Variants in DLGAP2 observed in about 807,000 individuals in gnomAD.
DLGAP2 encodes disks large-associated protein 2.
A neutral mutation model predicts 100.3 loss-of-function variants in DLGAP2; 26 were observed. The observed-to-expected ratio is 0.26, with a 90% CI of 0.19 to 0.36. DLGAP2 has a LOEUF of 0.36. DLGAP2 is among the 10% of genes least tolerant of loss of function. DLGAP2 has a pLI of 1.00. For synonymous variants in DLGAP2, 886 were observed against 630.1 expected (o/e 1.41, Z -6.08); for missense variants, 1,858 against 1,453.2 (o/e 1.28, Z -4.53).
chr8:1,509,808 T>G (rs140349011), intron 4 of DLGAP2, among the ~76,000 whole-genome samples: 55 of 152,326 alleles, frequency 3.6e-4, no homozygotes, highest in South Asian at 8.3e-4. Flanking sequence ...AAGTGTTCAA[T>G]GTCAGTTTTT....
At chr8:1,634,268 G>T (rs912807296) in intron 8 of DLGAP2, among the ~76,000 whole-genome samples, 7 of 152,106 alleles carry the variant, frequency 4.6e-5, no homozygotes, top group African/African-American at 1.7e-4. Flanking sequence ...GATCCTCGGT[G>T]TGCTTTTTAT....
At chr8:1,232,460 G>A (rs1408730322) in intron 2 of DLGAP2, among the ~76,000 whole-genome samples, 9 of 152,222 alleles carry the variant, frequency 5.9e-5, no homozygotes, top group Admixed American at 2.6e-4. Flanking sequence ...GGTGCAGGCT[G>A]TGATGAGGGG....
intron 1 of DLGAP2, among the ~76,000 whole-genome samples, chr8:804,834 T>A (rs866631050): frequency 6.6e-6 from 1 of 152,164 alleles, no homozygotes; most frequent in Non-Finnish European, 1.5e-5. Flanking sequence ...GGTGCAATCA[T>A]GGCTCACTGC....
chr8:1,602,259 TC>T (rs1796652168), intron 6 of DLGAP2, among the ~76,000 whole-genome samples: 2 of 152,190 alleles, frequency 1.3e-5, no homozygotes, highest in Non-Finnish European at 2.9e-5. Flanking sequence ...TGTTGTTATT[TC>T]TAATTAATGA....
chr8:1,596,444 C>T (rs1378591156), intron 6 of DLGAP2, among the ~76,000 whole-genome samples: 1 of 152,218 alleles, frequency 6.6e-6, no homozygotes, highest in Non-Finnish European at 1.5e-5. Flanking sequence ...TGAGGAATCA[C>T]CACACGGTCT....
chr8:1,549,179 G>A lies in DLGAP2; in HGVS notation c.726G>A (p.Lys242=). ...ACTCCGTGCAGAAGCTCTTCACCAA[G>A]TCGCACTCGCTGGAGGGCTCCTCCA... ...LVHSVQKLFT[K]SHSLEGSSKS... Residue 242 remains lysine, a synonymous_variant, in exon 5 of 15, where the codon AAG becomes AAA. Transcript: ENST00000637795. 6.3e-7 allele frequency: 1 copy of A among 1,599,242 alleles called. No homozygotes were observed. Among genetic ancestry groups the A allele is most frequent in the Non-Finnish European group, 8.5e-7 (1 of 1,173,910 alleles).
chr8:1,698,238 GTCCA>G (rs936509857), intron 14 of DLGAP2, among the ~76,000 whole-genome samples: 8 of 152,224 alleles, frequency 5.3e-5, no homozygotes, highest in African/African-American at 1.7e-4. Flanking sequence ...AGTGCACAGG[GTCCA>G]CGTAAGCCAT....
rs867788277 is a variant in DLGAP2 at position 1,017,581 on chromosome 8, A to G, written c.73+109615A>G. ...ACTGTGTGTGTGACCAGGACAGACGACGCCTCCACTGTGTGTGACCAGGAC... is the reference window on the plus strand; with the variant it reads ...ACTGTGTGTGTGACCAGGACAGACGGCGCCTCCACTGTGTGTGACCAGGAC... On this transcript the variant is annotated intron_variant, in intron 2 of 14. Coordinates refer to ENST00000637795, the MANE Select transcript of DLGAP2 (RefSeq NM_001346810.2). Among the ~76,000 whole-genome samples, 559 of 99,144 alleles carry G rather than the reference A, an allele frequency of 5.6e-3. 8 individuals carry two copies. The highest frequency in any genetic ancestry group is 0.014 in the African/African-American group (357 of 25,354). 65.0% of individuals were successfully genotyped at this position (99,144 alleles called of 152,430 possible). A position where few individuals can be genotyped will look rare whatever the true frequency, so the allele number is the denominator to read the frequency against.
chr8:1,598,312 G>A (rs1584973828), intron 6 of DLGAP2, among the ~76,000 whole-genome samples: 1 of 152,180 alleles, frequency 6.6e-6, no homozygotes, highest in African/African-American at 2.4e-5. Flanking sequence ...CAGGGATATA[G>A]GCCTGAAGTT....
At chr8:1,316,378 C>A (rs1423833726) in intron 3 of DLGAP2, among the ~76,000 whole-genome samples, 1 of 139,460 alleles carries the variant, frequency 7.2e-6, no homozygotes, top group Non-Finnish European at 1.5e-5. Flanking sequence ...GGTCTACACT[C>A]GAGAAACTTG....
chr8:1,383,049 T>A (rs1796133023), intron 3 of DLGAP2, among the ~76,000 whole-genome samples: 1 of 152,346 alleles, frequency 6.6e-6, no homozygotes, highest in African/African-American at 2.4e-5. Context: ...AATCGAAGGA[T>A]CTTTGGACGT....
rs540469327 is a variant in DLGAP2, at chr8:1,538,776, A to G, written c.173-9850A>G. Among the ~76,000 whole-genome samples the G allele has an allele frequency of 1.1e-3, 170 of 151,740 alleles. 1 individual carries two copies. The highest frequency in any genetic ancestry group is 0.01 in the Middle Eastern group (3 of 292). ...CGCAGCGTGGCCACAGCCACTCAGA[A>G]CTCCAGAGAGTCACGCCCCGGGTGG... is the stretch of plus-strand genomic sequence containing the variant. On this transcript the variant is annotated intron_variant, in intron 4 of 14. Transcript: ENST00000637795.
intron 1 of DLGAP2, among the ~76,000 whole-genome samples, chr8:865,807 G>A (rs1018376633): frequency 1.3e-5 from 2 of 152,170 alleles, no homozygotes; most frequent in Non-Finnish European, 2.9e-5. Flanking sequence ...CATTGGATGG[G>A]TCTGCCCAGC....
At chr8:1,472,814 C>G (rs895791966) in intron 3 of DLGAP2, among the ~76,000 whole-genome samples, 17 of 152,192 alleles carry the variant, frequency 1.1e-4, no homozygotes, top group African/African-American at 4.1e-4. Flanking sequence ...AGAGTAACTG[C>G]TTTAGAAACT....
intron 2 of DLGAP2, among the ~76,000 whole-genome samples, chr8:1,073,793 A>T (rs189282492): frequency 6.6e-6 from 1 of 152,380 alleles, no homozygotes; most frequent in East Asian, 1.9e-4. Context: ...CAAACGCTTT[A>T]TCTTTTCACA....
chr8:829,218 A>G (rs1796737305), intron 1 of DLGAP2, among the ~76,000 whole-genome samples: 1 of 152,234 alleles, frequency 6.6e-6, no homozygotes, highest in Non-Finnish European at 1.5e-5. Flanking sequence ...ATGTTACAAA[A>G]TAAAGTGGAG....
chr8:957,474 A>G (rs1181274128), intron 2 of DLGAP2, among the ~76,000 whole-genome samples: 1 of 152,212 alleles, frequency 6.6e-6, no homozygotes, highest in Non-Finnish European at 1.5e-5. Context: ...TCATATGTCC[A>G]AAACACCAGC....
intron 3 of DLGAP2, among the ~76,000 whole-genome samples, chr8:1,457,632 A>G (rs1237040887): frequency 6.6e-6 from 1 of 152,118 alleles, no homozygotes; most frequent in Non-Finnish European, 1.5e-5. Context: ...TAAAAATGGT[A>G]TCTTTCTTAC....
intron 1 of DLGAP2, among the ~76,000 whole-genome samples, chr8:874,674 G>A (rs979827783): frequency 6.6e-5 from 10 of 152,266 alleles, no homozygotes; most frequent in South Asian, 2.1e-4. Context: ...TGAGAAGATC[G>A]TATATTCTGC....
Sources: allele counts gnomAD v4.1 joint callset (sites outside exome capture counted in the v4.1 genomes callset), GRCh38; gene constraint gnomAD v4.1.1; transcripts MANE v1.5; gene names NCBI Gene and HGNC (gene_info 2026-07-23, HGNC 2026-07-21).